ZC4H2: variants seen among roughly 807,000 people sequenced by gnomAD.
ZC4H2 encodes the protein zinc finger C4H2 domain-containing protein.
For synonymous variants in ZC4H2, 84 were observed against 66.3 expected (o/e 1.27, Z -1.30); for missense variants, 137 against 173.9 (o/e 0.79, Z 1.19).
At chrX:64,986,206 T>A (rs1569224419) in intron 1 of ZC4H2, among the ~76,000 whole-genome samples, 1 of 112,246 alleles carries the variant, frequency 8.9e-6, no homozygotes, top group African/African-American at 3.2e-5. Flanking sequence ...ATCAAAGAAA[T>A]GCAACAAGAA....
intron 1 of ZC4H2, among the ~76,000 whole-genome samples, chrX:64,974,260 C>T (rs1016083673): frequency 2.7e-5 from 3 of 111,139 alleles, no homozygotes; most frequent in Non-Finnish European, 5.7e-5. Flanking sequence ...TCACTTTGTT[C>T]TTCTTTATGT....
At chrX:64,986,717 C>A (rs1932192231) in intron 1 of ZC4H2, among the ~76,000 whole-genome samples, 1 of 110,573 alleles carries the variant, frequency 9.0e-6, no homozygotes, top group South Asian at 3.9e-4. Flanking sequence ...GGAAGGTAGA[C>A]AGATTGTCCA....
chrX:64,975,509 G>A (rs574291493), intron 1 of ZC4H2, among the ~76,000 whole-genome samples: 2 of 111,992 alleles, frequency 1.8e-5, no homozygotes, highest in South Asian at 7.6e-4. Context: ...CCAAAGCAGG[G>A]GCTCACGCTG....
At chrX:64,995,397 C>T (rs1322339041) in intron 1 of ZC4H2, among the ~76,000 whole-genome samples, 1 of 112,079 alleles carries the variant, frequency 8.9e-6, no homozygotes, top group African/African-American at 3.2e-5. Flanking sequence ...GATGGGGTCT[C>T]ACTCTGTCAC....
intron 1 of ZC4H2, among the ~76,000 whole-genome samples, chrX:64,953,578 T>A (rs1930979354): frequency 8.9e-6 from 1 of 112,281 alleles, no homozygotes; most frequent in Non-Finnish European, 1.9e-5. Flanking sequence ...AAAGTGCTCA[T>A]CATCACTGGC....
At chrX:64,985,231 G>A (rs1032620493) in intron 1 of ZC4H2, among the ~76,000 whole-genome samples, 1 of 111,622 alleles carries the variant, frequency 9.0e-6, no homozygotes, top group Non-Finnish European at 1.9e-5. Context: ...GGATTGCTGG[G>A]TTGAATGGTA....
At chrX:65,005,488 C>CCCTATTTAATAAATGGTGTTG (rs755953296) in intron 1 of ZC4H2, among the ~76,000 whole-genome samples, 1 of 105,234 alleles carries the variant, frequency 9.5e-6, no homozygotes, top group African/African-American at 3.7e-5. Flanking sequence ...GAAAAGGATT[C>CCCTATTTAATAAATGGTGTTG]GAAATCTGGC....
chrX:65,018,226 A>G (rs183450270), intron 1 of ZC4H2, among the ~76,000 whole-genome samples: 1 of 112,696 alleles, frequency 8.9e-6, no homozygotes, highest in Non-Finnish European at 1.9e-5. Context: ...AAAAATGTTC[A>G]TTGGTTGCCA....
intron 1 of ZC4H2, among the ~76,000 whole-genome samples, chrX:65,020,234 A>T (rs1326690682): frequency 9.0e-6 from 1 of 111,459 alleles, no homozygotes; most frequent in Non-Finnish European, 1.9e-5. Flanking sequence ...ACACATAATC[A>T]TCAGATTCAC....
rs780970024 is a variant in ZC4H2 at position 64,920,134 on chromosome X, C to A, written c.345G>T (p.Leu115=). Reference sequence around the variant, plus strand: ...ACAAGTCAGGGAGCCTCTGCAGGCCCAGAGTCATGCGCAGGGCATCCACAT... The same window carrying A: ...ACAAGTCAGGGAGCCTCTGCAGGCCAAGAGTCATGCGCAGGGCATCCACAT... ...KEHVDALRMT[L]GLQRLPDLCE... Residue 115 remains leucine, a synonymous_variant, in exon 3 of 5, where the codon CTG becomes CTT. Transcript: ENST00000374839. The A allele has an allele frequency of 1.7e-6, 2 of 1,211,608 alleles. No individual in the cohort carries two copies. The highest frequency in any genetic ancestry group is 3.5e-5 in the South Asian group (2 of 56,914).
chrX:64,932,791 GT>G (rs781450995), intron 1 of ZC4H2, among the ~76,000 whole-genome samples: 7 of 110,554 alleles, frequency 6.3e-5, no homozygotes, highest in South Asian at 3.8e-4. Flanking sequence ...TTAAAATTAT[GT>G]TTTTTTTAAT....
chrX:64,995,792 G>A lies in ZC4H2; in HGVS notation c.-272+38837C>T, dbSNP rs186639634. 8.3e-4 allele frequency among the ~76,000 whole-genome samples: 93 copies of A among 112,446 alleles called. No homozygotes were observed. The Middle Eastern group carries it at 0.023, about 28-fold the overall frequency. ...CTAACTGTCTGGGGGCTGCCTGAAG[G>A]AATGATGCAAGGTGCTCTTTTCTGC... is the stretch of plus-strand genomic sequence containing the variant. On this transcript the variant is annotated intron_variant, in intron 1 of 4. Coordinates refer to the ZC4H2 transcript ENST00000337990.
intron 1 of ZC4H2, among the ~76,000 whole-genome samples, chrX:64,962,429 T>C (rs1167833980): frequency 2.7e-5 from 3 of 111,496 alleles, no homozygotes; most frequent in South Asian, 3.7e-4. Context: ...AAAAGCCATA[T>C]ATGAAAAGCC....
intron 1 of ZC4H2, among the ~76,000 whole-genome samples, chrX:65,031,651 G>T (rs1932935030): frequency 8.9e-6 from 1 of 111,833 alleles, no homozygotes; most frequent in South Asian, 3.7e-4. Context: ...CTAACTTTTG[G>T]AATGTAGATA....
chrX:65,011,185 A>G (rs948147155), intron 1 of ZC4H2, among the ~76,000 whole-genome samples: 1 of 112,141 alleles, frequency 8.9e-6, no homozygotes, highest in Admixed American at 9.5e-5. Flanking sequence ...TTTGTTCCTC[A>G]CTATAATTCT....
chrX:64,981,085 G>T (rs926595217), upstream of ZC4H2, among the ~76,000 whole-genome samples: 2 of 109,704 alleles, frequency 1.8e-5, no homozygotes, highest in Admixed American at 9.8e-5. Flanking sequence ...CGGTGCAATG[G>T]TCCTGAGTCA....
chrX:64,946,347 C>G (rs1266128921), intron 1 of ZC4H2, among the ~76,000 whole-genome samples: 1 of 111,043 alleles, frequency 9.0e-6, no homozygotes, highest in African/African-American at 3.3e-5. Context: ...TTGGCTAGAA[C>G]AGGGAGGTCC....
intron 1 of ZC4H2, among the ~76,000 whole-genome samples, chrX:65,022,430 GAT>G (rs1411299201): frequency 9.0e-6 from 1 of 111,482 alleles, no homozygotes; most frequent in Non-Finnish European, 1.9e-5. Flanking sequence ...AAAACCACAC[GAT>G]TATCTCAGTA....
intron 1 of ZC4H2, among the ~76,000 whole-genome samples, chrX:65,012,328 T>A (rs1386170245): frequency 9.2e-6 from 1 of 108,310 alleles, no homozygotes; most frequent in African/African-American, 3.3e-5. Flanking sequence ...TTAAGTCACA[T>A]GCTTTAAAAA....
Sources: gnomAD v4.1 joint callset for allele counts (sites outside exome capture counted in the v4.1 genomes callset) on GRCh38, gnomAD v4.1.1 for gene constraint, MANE v1.5 for transcripts, NCBI Gene and HGNC (gene_info 2026-07-23, HGNC 2026-07-21) for gene names.